Variants in HORMAD2 observed in about 807,000 individuals in gnomAD.
HORMAD2 encodes the protein HORMA domain-containing protein 2.
Under a neutral mutation model 38.8 loss-of-function variants are expected in HORMAD2, and 45 were observed. The observed-to-expected ratio is 1.16, with a 90% CI of 0.91 to 1.49. The LOEUF (loss-of-function observed/expected upper bound fraction) is 1.49, where lower values mean the gene tolerates loss of function less well. Among genes scored for constraint, HORMAD2 ranks in the 40% most tolerant of loss-of-function variants. The probability of loss-of-function intolerance (pLI) is 0.00; values close to 1 mark genes in which losing one functional copy is unlikely to be tolerated. For missense variants in HORMAD2, 338 were observed against 367.0 expected (o/e 0.92, Z 0.65); for synonymous variants, 126 against 122.8 (o/e 1.03, Z -0.17).
intron 10 of HORMAD2, among the ~76,000 whole-genome samples, chr22:30,168,678 G>C (rs1925929622): frequency 1.3e-5 from 2 of 152,048 alleles, no homozygotes; most frequent in South Asian, 4.1e-4. Context: ...TAATGATCAA[G>C]TCATGGTAGG....
chr22:30,132,907 C>T (rs1923386243), intron 10 of HORMAD2, among the ~76,000 whole-genome samples: 1 of 152,044 alleles, frequency 6.6e-6, no homozygotes, highest in East Asian at 1.9e-4. Flanking sequence ...AAGTCAAACA[C>T]AGTGAGTAAT....
intron 2 of HORMAD2, among the ~76,000 whole-genome samples, chr22:30,096,602 G>A (rs1056712387): frequency 2.0e-4 from 31 of 151,788 alleles, no homozygotes; most frequent in Non-Finnish European, 4.3e-4. Context: ...CAAGTAGCTG[G>A]GATTATGGGT....
chr22:30,103,628 CT>C, intron 4 of HORMAD2, 128 bp downstream of exon 4: 1 of 187,670 alleles, frequency 5.3e-6, no homozygotes, highest in Non-Finnish European at 9.5e-6. Flanking sequence ...TTCCCTCTTT[CT>C]TTTTCTTTTT....
chr22:30,122,060 T>C lies in HORMAD2; in HGVS notation c.665T>C (p.Phe222Ser). 6.2e-7 allele frequency: 1 copy of C among 1,613,698 alleles called. No homozygotes were observed. Among genetic ancestry groups the C allele is most frequent in the Non-Finnish European group, 8.5e-7 (1 of 1,179,766 alleles). ...GAGCCTATCAACGTGCAAGTGGGAT[T>C]TGTCTCCACTGGCTTTCATAGCATG... The part of the protein sequence containing the change: ...DKEPINVQVG[F>S]VSTGFHSMKV... Residue 222 changes from phenylalanine (F) to serine (S), a missense_variant, in exon 10 of 11, where the codon TTT becomes TCT. Physicochemically the swap from Phe to Ser is radical, Grantham distance 155. Transcript: ENST00000336726.
At chr22:30,192,877 G>A in the HORMAD2 span, among the ~76,000 whole-genome samples, 3 of 152,064 alleles carry the variant, frequency 2.0e-5, no homozygotes, top group Admixed American at 6.6e-5. Context: ...GATGGTTTCC[G>A]TACTATAACA....
chr22:30,171,660 CT>C (rs1926115975), intron 10 of HORMAD2, among the ~76,000 whole-genome samples: 1 of 152,000 alleles, frequency 6.6e-6, no homozygotes, highest in Non-Finnish European at 1.5e-5. Flanking sequence ...TTTATTGAAC[CT>C]TTACTATGTC....
chr22:30,149,520 A>T (rs1460223669), intron 10 of HORMAD2, among the ~76,000 whole-genome samples: 1 of 152,200 alleles, frequency 6.6e-6, no homozygotes, highest in South Asian at 2.1e-4. Flanking sequence ...TTCAGAAACA[A>T]CAATTTTGTC....
intron 10 of HORMAD2, among the ~76,000 whole-genome samples, chr22:30,148,128 G>A (rs954767549): frequency 6.6e-6 from 1 of 152,038 alleles, no homozygotes; most frequent in East Asian, 1.9e-4. Context: ...GCAAATTGTG[G>A]TATCTTTGTA....
chr22:30,082,916 G>T (rs923176027), intron 1 of HORMAD2, among the ~76,000 whole-genome samples: 1 of 152,080 alleles, frequency 6.6e-6, no homozygotes, highest in Admixed American at 6.5e-5. Flanking sequence ...AAAGAGCATA[G>T]AAATATTGCC....
rs146255672 is a variant in HORMAD2, at chr22:30,096,758, C to A, written c.52-2094C>A. On this transcript the variant is annotated intron_variant, in intron 2 of 10. Coordinates refer to ENST00000336726, the MANE Select transcript of HORMAD2 (RefSeq NM_152510.4). ...TGCTGGGATTGCAGGTGTGAGCCAC[C>A]ACCCCTGGCCTCCTTGTGATTTTAA... 3.3e-3 allele frequency among the ~76,000 whole-genome samples: 502 copies of A among 152,228 alleles called. 21 individuals carry two copies. The South Asian group carries it at 0.046, about 14-fold the overall frequency.
At chr22:30,111,773 G>GT (rs750627137) in intron 5 of HORMAD2, 23 bp from the exon 6 acceptor site, 2,318 of 1,469,648 alleles carry the variant, frequency 1.6e-3, no homozygotes, top group Non-Finnish European at 1.8e-3. Context: ...AATAATAATA[G>GT]TTTTTTTTTC....
chr22:30,101,523 A>G (rs1601516699), intron 3 of HORMAD2, among the ~76,000 whole-genome samples: 1 of 152,046 alleles, frequency 6.6e-6, no homozygotes, highest in African/African-American at 2.4e-5. Flanking sequence ...GATGGTTGCA[A>G]CAAACCACCA....
At chr22:30,082,470 G>A (rs1490872677) in intron 1 of HORMAD2, among the ~76,000 whole-genome samples, 1 of 152,076 alleles carries the variant, frequency 6.6e-6, no homozygotes, top group Non-Finnish European at 1.5e-5. Flanking sequence ...GGGTAAAATA[G>A]GAAGTAATTG....
intron 4 of HORMAD2, 142 bp downstream of exon 4, chr22:30,103,642 GTTTTTGA>G: frequency 1.0e-5 from 1 of 98,230 alleles, no homozygotes; most frequent in Non-Finnish European, 1.8e-5. Flanking sequence ...TTCTTTTTCT[GTTTTTGA>G]TTTTTTTTTT....
intron 1 of HORMAD2, among the ~76,000 whole-genome samples, chr22:30,081,501 G>A (rs371208967): frequency 2.0e-5 from 3 of 152,324 alleles, no homozygotes; most frequent in African/African-American, 7.2e-5. Context: ...ATTGAAGCAA[G>A]CTCTGTTGGA....
At chr22:30,097,951 A>G (rs1920923110) in intron 2 of HORMAD2, among the ~76,000 whole-genome samples, 1 of 152,194 alleles carries the variant, frequency 6.6e-6, no homozygotes, top group Admixed American at 6.5e-5. Context: ...ACTCTTTTAG[A>G]GAGAATTAAT....
chr22:30,116,995 T>A (rs1457227564), intron 7 of HORMAD2, among the ~76,000 whole-genome samples: 1 of 152,220 alleles, frequency 6.6e-6, no homozygotes, highest in Non-Finnish European at 1.5e-5. Flanking sequence ...ATCTCATCTG[T>A]CTCTCCTATT....
chr22:30,114,272 A>G (rs982046503), intron 7 of HORMAD2, among the ~76,000 whole-genome samples: 1 of 152,182 alleles, frequency 6.6e-6, no homozygotes, highest in Non-Finnish European at 1.5e-5. Context: ...AGTGATGCCT[A>G]ACCTCTACGT....
At chr22:30,078,021 C>T, upstream of HORMAD2, among the ~76,000 whole-genome samples, 1 of 152,186 alleles carries the variant, frequency 6.6e-6, no homozygotes, top group Non-Finnish European at 1.5e-5. Context: ...GAAGGCTTTA[C>T]CCAACAGCTC....
Sources: gnomAD v4.1 joint callset for allele counts (sites outside exome capture counted in the v4.1 genomes callset) on GRCh38, gnomAD v4.1.1 for gene constraint, MANE v1.5 for transcripts, NCBI Gene and HGNC (gene_info 2026-07-23, HGNC 2026-07-21) for gene names.